The following PECAM1 variants were observed in gnomAD, a reference collection of about 807,000 sequenced individuals.
PECAM1 encodes the protein platelet and endothelial cell adhesion molecule 1, also known as platelet endothelial cell adhesion molecule.
Under a neutral mutation model 13.8 loss-of-function variants are expected in PECAM1, and 8 were observed. The observed-to-expected ratio is 0.58, with a 90% CI of 0.34 to 1.05. The LOEUF (loss-of-function observed/expected upper bound fraction) is 1.05. Ranked by LOEUF, PECAM1 falls within the 50% of genes least tolerant of loss-of-function variation. PECAM1 has a pLI of 0.03. For synonymous variants in PECAM1, 136 were observed against 52.6 expected, an observed-to-expected ratio of 2.58 and a Z score of -6.86; for missense variants, 304 against 141.2, an observed-to-expected ratio of 2.15 and a Z score of -5.84.
intron 13 of PECAM1, among the ~76,000 whole-genome samples, chr17:64,347,726 TTA>T (rs1225163933): frequency 9.9e-5 from 14 of 140,770 alleles, no homozygotes; most frequent in East Asian, 2.0e-4. Flanking sequence ...ATTATATATT[TTA>T]TATATATATA....
At position 64,321,853 on chromosome 17, in the gene PECAM1, C is replaced by T. The variant is rs781966265; in HGVS notation, c.*1963G>A. 2 of 1,349,766 alleles carry T rather than the reference C, an allele frequency of 1.5e-6. No individual in the cohort carries two copies. The highest frequency in any genetic ancestry group is 1.1e-5 in the South Asian group (1 of 87,998). The allele number at this position is 1,349,766 out of a possible 1,614,324, so 83.6% of individuals were successfully genotyped here. Reference sequence around the variant, plus strand: ...GTCTTTGCAGCTCCCGTGGCAATTGCCCTTCTCTGGTGGTGGCAAGGGACT... The same window carrying T: ...GTCTTTGCAGCTCCCGTGGCAATTGTCCTTCTCTGGTGGTGGCAAGGGACT... On this transcript the variant is annotated 3_prime_UTR_variant, in exon 16 of 16. Transcript: ENST00000563924.
At chr17:64,374,262 A>G (rs9889983) in intron 4 of PECAM1, among the ~76,000 whole-genome samples, 139,493 of 152,128 alleles carry the variant, frequency 0.92, 64,663 homozygotes, top group East Asian at 1. Flanking sequence ...GGCCGAGGTG[A>G]GTAGATCATC....
rs782707716 is a variant in PECAM1 at position 64,321,869 on chromosome 17, G to A, written c.*1947C>T. The A allele has an allele frequency of 4.3e-5, 58 of 1,349,904 alleles. No homozygotes were observed. The Admixed American group carries it at 1.1e-3, about 25-fold the overall frequency. 83.6% of individuals were successfully genotyped at this position (1,349,904 alleles called of 1,614,324 possible). A position where few individuals can be genotyped will look rare whatever the true frequency, so the allele number is the denominator to read the frequency against. ...TGGCAATTGCCCTTCTCTGGTGGTG[G>A]CAAGGGACTAAGGAACTCCCTGGAC... On this transcript the variant is annotated 3_prime_UTR_variant, in exon 16 of 16. Coordinates refer to ENST00000563924, the MANE Select transcript of PECAM1 (RefSeq NM_000442.5).
chr17:64,387,584 G>A (rs1407563960), intron 2 of PECAM1, among the ~76,000 whole-genome samples: 1 of 152,160 alleles, frequency 6.6e-6, no homozygotes, highest in East Asian at 1.9e-4. Context: ...TGGGGGTGAG[G>A]AAGGGTCTCA....
intron 15 of PECAM1, among the ~76,000 whole-genome samples, chr17:64,328,845 T>C (rs2035027466): frequency 6.6e-6 from 1 of 152,192 alleles, no homozygotes; most frequent in South Asian, 2.1e-4. Context: ...CACAAAAAGG[T>C]TGGGATTGGA....
In PECAM1 at chr17:64,367,378, C is replaced by T. The variant is rs1049995047; in HGVS notation, c.967+2372G>A. On this transcript the variant is annotated intron_variant, in intron 5 of 15. Coordinates refer to ENST00000563924, the MANE Select transcript of PECAM1 (RefSeq NM_000442.5). ...AAGCCCGGCCAACATGGCGAAACCC[C>T]GTCTCTACTAAAAATACAAAAATTA... Among the ~76,000 whole-genome samples, 248 of 152,072 alleles carry T rather than the reference C, an allele frequency of 1.6e-3. 5 individuals carry two copies. Among genetic ancestry groups the T allele is most frequent in the Admixed American group, 0.016 (243 of 15,264 alleles).
intron 14 of PECAM1, among the ~76,000 whole-genome samples, chr17:64,332,896 T>C (rs1249188719): frequency 1.3e-5 from 2 of 152,246 alleles, no homozygotes; most frequent in African/African-American, 2.4e-5. Context: ...CTCACGCCTG[T>C]CATCCCAGAA....
intron 2 of PECAM1, among the ~76,000 whole-genome samples, chr17:64,384,538 C>T (rs1267013316): frequency 6.6e-6 from 1 of 152,190 alleles, no homozygotes; most frequent in Non-Finnish European, 1.5e-5. Flanking sequence ...TGGGATCCCT[C>T]ATTCTGGGGA....
At chr17:64,367,853 T>C (rs961180936) in intron 5 of PECAM1, among the ~76,000 whole-genome samples, 1 of 152,124 alleles carries the variant, frequency 6.6e-6, no homozygotes, top group Non-Finnish European at 1.5e-5. Flanking sequence ...AGTAAAAAAA[T>C]ACCATGAGCC....
In PECAM1 at chr17:64,323,573, A is replaced by C. The variant is rs1173008454; in HGVS notation, c.*243T>G. 2 of 1,418,906 alleles carry C rather than the reference A, an allele frequency of 1.4e-6. No homozygotes were observed. Among genetic ancestry groups the C allele is most frequent in the Non-Finnish European group, 1.8e-6 (2 of 1,090,060 alleles). The allele number at this position is 1,418,906 out of a possible 1,614,324, so 87.9% of individuals were successfully genotyped here. On this transcript the variant is annotated 3_prime_UTR_variant, in exon 16 of 16. Coordinates refer to ENST00000563924, the MANE Select transcript of PECAM1 (RefSeq NM_000442.5). ...TCTTGTGCTCTTCCAATTTCCAAGG[A>C]TGTTCCAACTTGGTGGAAGGAGGGT... is the stretch of plus-strand genomic sequence containing the variant.
Position 64,353,331 on chromosome 17 carries a change from ACACACACACAACT to A in PECAM1, c.1916+147_1916+159del, listed in dbSNP as rs1312217268. Among the ~76,000 whole-genome samples, 138 of 149,714 alleles carry A rather than the reference ACACACACACAACT, an allele frequency of 9.2e-4. 1 individual carries two copies. The highest frequency in any genetic ancestry group is 3.2e-3 in the African/African-American group (131 of 40,476). ...TACACACACACACACACACACACAC[ACACACACACAACT>A]CACACACACAACTCACACCCAAGGA... On this transcript the variant is annotated intron_variant, in intron 10 of 15. Transcript: ENST00000563924.
At chr17:64,377,641 G>GAAGGAAGGAAGGAAGGAAGGAAGGAA (rs1598050577) in intron 3 of PECAM1, 183 bp downstream of exon 3, 101 of 405,660 alleles carry the variant, frequency 2.5e-4, no homozygotes, top group Admixed American at 5.6e-4. Flanking sequence ...AGGAAGGAAG[G>GAAGGAAGGAAGGAAGGAAGGAAGGAA]GCCTGGCCTA....
Position 64,322,317 on chromosome 17 carries a change from C to G in PECAM1, c.*1499G>C, listed in dbSNP as rs1195968496. 1 of 638,630 alleles carries G rather than the reference C, an allele frequency of 1.6e-6. No homozygotes were observed. 39.6% of individuals were successfully genotyped at this position (638,630 alleles called of 1,614,324 possible). A position where few individuals can be genotyped will look rare whatever the true frequency, so the allele number is the denominator to read the frequency against. On this transcript the variant is annotated 3_prime_UTR_variant, in exon 16 of 16. Coordinates refer to ENST00000563924, the MANE Select transcript of PECAM1 (RefSeq NM_000442.5). ...AGGAGAACTGCTTGAACCCAGGAGG[C>G]GGAGGTTGCAGTGAGCAGAGGTTGC...
chr17:64,351,129 C>T (rs1412834573), intron 11 of PECAM1, among the ~76,000 whole-genome samples: 1 of 152,168 alleles, frequency 6.6e-6, no homozygotes, highest in Non-Finnish European at 1.5e-5. Flanking sequence ...CCACCTACCT[C>T]GGCCTCCCAA....
Position 64,319,705 on chromosome 17 carries a change from T to TA in PECAM1, c.*4110dup, listed in dbSNP as rs2034785117. 1 of 152,170 alleles carries TA rather than the reference T, an allele frequency of 6.6e-6. No individual in the cohort carries two copies. The highest frequency in any genetic ancestry group is 1.5e-5 in the Non-Finnish European group (1 of 68,046). The allele number at this position is 152,170 out of a possible 1,614,324, so 9.4% of individuals were successfully genotyped here. On this transcript the variant is annotated 3_prime_UTR_variant, in exon 16 of 16. Transcript: ENST00000563924. ...TGCTCACTTGAGGCATTTTTCCCCT[T>TA]ACCAGTCGTGCGTTCCCAGAGGAAG...
In PECAM1 at chr17:64,336,266, CAA is replaced by C. The variant is rs118202513; in HGVS notation, c.2164+5366_2164+5367del. Among the ~76,000 whole-genome samples, 1,095 of 133,432 alleles carry C rather than the reference CAA, an allele frequency of 8.2e-3. 11 individuals carry two copies. Among genetic ancestry groups the C allele is most frequent in the Middle Eastern group, 0.023 (6 of 266 alleles). 87.5% of individuals were successfully genotyped at this position (133,432 alleles called of 152,430 possible). ...GGGTGACAGAGCGAAGACCCTGTCT[CAA>C]AAAAAAAAAAAAAGAAAGAAAGAAA... On this transcript the variant is annotated intron_variant, in intron 14 of 15. Coordinates refer to ENST00000563924, the MANE Select transcript of PECAM1 (RefSeq NM_000442.5).
chr17:64,363,758 C>G (rs2036039835), intron 5 of PECAM1, among the ~76,000 whole-genome samples: 1 of 152,056 alleles, frequency 6.6e-6, no homozygotes, highest in Non-Finnish European at 1.5e-5. Context: ...CCAGCCTGGG[C>G]AACATGGTGA....
intron 14 of PECAM1, among the ~76,000 whole-genome samples, chr17:64,333,236 C>T (rs1350247596): frequency 2.6e-5 from 4 of 152,230 alleles, no homozygotes; most frequent in African/African-American, 7.2e-5. Flanking sequence ...GCCTCTGGCT[C>T]AACAGGTAGG....
At chr17:64,347,551 A>G (rs1230578027) in intron 13 of PECAM1, among the ~76,000 whole-genome samples, 1 of 144,386 alleles carries the variant, frequency 6.9e-6, no homozygotes, top group African/African-American at 2.5e-5. Context: ...AAAAATATAT[A>G]TATATATATA....
Sources: allele counts gnomAD v4.1 joint callset (sites outside exome capture counted in the v4.1 genomes callset), GRCh38; gene constraint gnomAD v4.1.1; transcripts MANE v1.5; gene names NCBI Gene and HGNC (gene_info 2026-07-23, HGNC 2026-07-21).